The following DGKI variants were observed in gnomAD, a reference collection of about 807,000 sequenced individuals.
DGKI encodes the protein DAG kinase iota.
DGKI carries 55 observed loss-of-function variants against 147.5 expected under a neutral mutation model. The observed-to-expected ratio is 0.37, with a 90% CI of 0.30 to 0.47. The LOEUF (loss-of-function observed/expected upper bound fraction) is 0.47, where lower values mean the gene tolerates loss of function less well. DGKI is among the 20% of genes least tolerant of loss of function. The pLI is 1.00. For synonymous variants in DGKI, 469 were observed against 477.1 expected, an observed-to-expected ratio of 0.98 and a Z score of 0.22; for missense variants, 1,007 against 1,323.8, an observed-to-expected ratio of 0.76 and a Z score of 3.71.
At chr7:137,772,843 T>A (rs1012073484) in intron 1 of DGKI, among the ~76,000 whole-genome samples, 1 of 152,250 alleles carries the variant, frequency 6.6e-6, no homozygotes, top group Non-Finnish European at 1.5e-5. Flanking sequence ...ACAAGCTTTC[T>A]TCTCCACTTA....
At chr7:137,428,852 G>A (rs1361262528) in intron 28 of DGKI, among the ~76,000 whole-genome samples, 1 of 152,056 alleles carries the variant, frequency 6.6e-6, no homozygotes, top group African/African-American at 2.4e-5. Flanking sequence ...CAAGGGATGC[G>A]AAGGACCTCT....
At position 137,469,868 on chromosome 7, in the gene DGKI, T is replaced by C. The variant is rs916699548; in HGVS notation, c.2374-249A>G. Reference sequence around the variant, plus strand: ...CCATTAAATATTTTCAATTATTCCATTAAACATAAATAATCTAATTTAGGA... The same window carrying C: ...CCATTAAATATTTTCAATTATTCCACTAAACATAAATAATCTAATTTAGGA... On this transcript the variant is annotated intron_variant, in intron 23 of 32. Coordinates refer to ENST00000614521, the MANE Select transcript of DGKI (RefSeq NM_001321708.2). Among the ~76,000 whole-genome samples the C allele has an allele frequency of 1.4e-4, 22 of 152,220 alleles. 1 individual carries two copies. The highest frequency in any genetic ancestry group is 1.3e-3 in the Admixed American group (20 of 15,278).
intron 1 of DGKI, among the ~76,000 whole-genome samples, chr7:137,709,142 T>A (rs1794139888): frequency 1.3e-5 from 2 of 152,218 alleles, no homozygotes; most frequent in Admixed American, 1.3e-4. Context: ...CTACTTTATA[T>A]AATAAAAATA....
Position 137,846,470 on chromosome 7 carries a change from G to A in DGKI, c.393C>T (p.Val131=). The change falls in exon 1 of 33, where the codon GTC becomes GTT. Residue 131 remains valine, a synonymous_variant. Transcript: ENST00000614521. This position sits in a 1 kb window ranked among gnomAD's most constrained non-coding sequence, Gnocchi z 4.0. Reference sequence around the variant, plus strand: ...CGGCTCCCCGCACCTACCTGTACGAGACCTGCTTCCGGAAAGTTAAGTTCC... The same window carrying A: ...CGGCTCCCCGCACCTACCTGTACGAAACCTGCTTCCGGAAAGTTAAGTTCC... ...KLRNLTFRKQ[V]SYRKAISRAG... 6.3e-7 allele frequency: 1 copy of A among 1,593,112 alleles called. No individual in the cohort carries two copies. Among genetic ancestry groups the A allele is most frequent in the Non-Finnish European group, 8.5e-7 (1 of 1,170,576 alleles).
At position 137,680,795 on chromosome 7, in the gene DGKI, A is replaced by G. The variant is rs139489212; in HGVS notation, c.511-2143T>C. Among the ~76,000 whole-genome samples, 271 of 152,350 alleles carry G rather than the reference A, an allele frequency of 1.8e-3. 1 individual carries two copies. Among genetic ancestry groups the G allele is most frequent in the Middle Eastern group, 3.4e-3 (1 of 294 alleles). ...TATTCTGACTCAAAAGAAAAGAGAA[A>G]AAAAAAAGGAATATACACTAAATGA... On this transcript the variant is annotated intron_variant, in intron 2 of 32. Coordinates refer to ENST00000614521, the MANE Select transcript of DGKI (RefSeq NM_001321708.2).
intron 21 of DGKI, among the ~76,000 whole-genome samples, chr7:137,490,894 A>G (rs1223163153): frequency 6.6e-6 from 1 of 152,220 alleles, no homozygotes; most frequent in Non-Finnish European, 1.5e-5. Context: ...GGAATTCACA[A>G]GTTCTAACTA....
intron 30 of DGKI, among the ~76,000 whole-genome samples, chr7:137,399,433 A>G (rs1811668541): frequency 6.6e-6 from 1 of 152,126 alleles, no homozygotes; most frequent in Non-Finnish European, 1.5e-5. Flanking sequence ...CACACATACA[A>G]AAGTGCAGAG....
intron 1 of DGKI, among the ~76,000 whole-genome samples, chr7:137,704,849 A>T (rs555158249): frequency 6.6e-6 from 1 of 152,328 alleles, no homozygotes; most frequent in South Asian, 2.1e-4. Flanking sequence ...ACCAGAAAGA[A>T]GGCAGTGAGA....
intron 1 of DGKI, among the ~76,000 whole-genome samples, chr7:137,747,350 G>A (rs1463382903): frequency 6.6e-6 from 1 of 152,206 alleles, no homozygotes; most frequent in Non-Finnish European, 1.5e-5. Flanking sequence ...TGTCAAGGCA[G>A]CAAGAGCTAG....
intron 27 of DGKI, among the ~76,000 whole-genome samples, chr7:137,456,516 G>A (rs1354805380): frequency 6.6e-6 from 1 of 152,118 alleles, no homozygotes; most frequent in African/African-American, 2.4e-5. Context: ...GGTGCAAAGT[G>A]CTATGGAGAC....
rs114604621 is a variant in DGKI at position 137,455,233 on chromosome 7, G to A, written c.2735+8256C>T. On this transcript the variant is annotated intron_variant, in intron 27 of 32. Transcript: ENST00000614521. ...CACCCCACCCTTCTCAGGAGAGGGT[G>A]GGAACAGAATCTAAACATTGTCTGC... 5.5e-3 allele frequency among the ~76,000 whole-genome samples: 835 copies of A among 152,162 alleles called. 8 individuals carry two copies. Among genetic ancestry groups the A allele is most frequent in the African/African-American group, 0.019 (801 of 41,506 alleles).
intron 20 of DGKI, among the ~76,000 whole-genome samples, chr7:137,537,471 T>A (rs1817557691): frequency 1.3e-5 from 2 of 151,946 alleles, no homozygotes; most frequent in South Asian, 4.1e-4. Context: ...TAAAAAAAAA[T>A]TATCGATAAT....
intron 21 of DGKI, chr7:137,513,792 C>T: frequency 1.8e-6 from 1 of 570,526 alleles, no homozygotes; most frequent in Non-Finnish European, 3.3e-6. Context: ...AGAAAAGGTG[C>T]AGTAAAACTA....
intron 2 of DGKI, among the ~76,000 whole-genome samples, chr7:137,689,229 C>T (rs1823524275): frequency 6.6e-6 from 1 of 152,182 alleles, no homozygotes; most frequent in Admixed American, 6.5e-5. Flanking sequence ...CCTCATATTG[C>T]TTCAGGAAGG....
chr7:137,815,791 G>T (rs929305456), intron 1 of DGKI, among the ~76,000 whole-genome samples: 2 of 152,154 alleles, frequency 1.3e-5, no homozygotes, highest in African/African-American at 2.4e-5. Flanking sequence ...TTCTACAAGG[G>T]AGAAAAGAGA....
intron 3 of DGKI, among the ~76,000 whole-genome samples, chr7:137,658,985 T>G (rs547786585): frequency 7.9e-5 from 12 of 152,354 alleles, no homozygotes; most frequent in African/African-American, 2.4e-4. Context: ...AAGATCCTCT[T>G]AAAATATATT....
At chr7:137,637,272 G>A (rs706579) in intron 6 of DGKI, among the ~76,000 whole-genome samples, 6,228 of 152,236 alleles carry the variant, frequency 0.041, 276 homozygotes, top group African/African-American at 0.11. Flanking sequence ...TCTCAACTCC[G>A]AGTCCGTTTC....
intron 6 of DGKI, among the ~76,000 whole-genome samples, chr7:137,631,337 T>C (rs1821115414): frequency 6.6e-6 from 1 of 152,234 alleles, no homozygotes; most frequent in South Asian, 2.1e-4. Context: ...TAGCATGTAA[T>C]ATATGCCTTA....
intron 19 of DGKI, among the ~76,000 whole-genome samples, chr7:137,562,991 A>T (rs1818466492): frequency 6.6e-6 from 1 of 152,130 alleles, no homozygotes; most frequent in African/African-American, 2.4e-5. Flanking sequence ...TCTCCCTCAT[A>T]ATCATAATCA....
Sources: allele counts gnomAD v4.1 joint callset (sites outside exome capture counted in the v4.1 genomes callset), GRCh38; gene constraint gnomAD v4.1.1; non-coding constraint Gnocchi (gnomAD v3.1); transcripts MANE v1.5; gene names NCBI Gene and HGNC (gene_info 2026-07-23, HGNC 2026-07-21).